The following SRGAP2B variants were observed in gnomAD, a reference collection of about 807,000 sequenced individuals.
SRGAP2B encodes the protein SLIT-ROBO Rho GTPase-activating protein 2B.
A neutral mutation model predicts 22.2 loss-of-function variants in SRGAP2B; 9 were observed. The observed-to-expected ratio is 0.41, with a 90% confidence interval of 0.24 to 0.71. The LOEUF is 0.71. SRGAP2B is among the 30% of genes least tolerant of loss of function. The pLI, the probability that SRGAP2B is intolerant of heterozygous loss-of-function variation, is 0.35. For synonymous variants in SRGAP2B, 36 were observed against 87.4 expected (o/e 0.41, Z 3.28); for missense variants, 114 against 235.8 (o/e 0.48, Z 3.38).
At chr1:144,969,853 C>T (rs1196729467) in intron 3 of SRGAP2B, among the ~76,000 whole-genome samples, 3 of 150,722 alleles carry the variant, frequency 2.0e-5, no homozygotes, top group Non-Finnish European at 4.4e-5. Flanking sequence ...ACAGACACTT[C>T]TCAAAAGAAG....
chr1:144,955,026 C>G (rs1321073227), intron 4 of SRGAP2B, among the ~76,000 whole-genome samples: 1 of 150,494 alleles, frequency 6.6e-6, no homozygotes, highest in Admixed American at 6.6e-5. Flanking sequence ...GAAAACTTCC[C>G]AAAACACAGT....
At chr1:144,997,355 C>T (rs587661258) in intron 2 of SRGAP2B, among the ~76,000 whole-genome samples, 3 of 150,806 alleles carry the variant, frequency 2.0e-5, no homozygotes, top group East Asian at 1.9e-4. Context: ...GGCGTGAACC[C>T]GGGAGGTGGA....
chr1:144,944,692 T>C (rs1194665829), intron 4 of SRGAP2B, among the ~76,000 whole-genome samples: 3 of 140,276 alleles, frequency 2.1e-5, no homozygotes, highest in Admixed American at 7.1e-5. Flanking sequence ...GTTTTATTTA[T>C]TTATTTATTT....
At chr1:144,979,982 G>C (rs1669200137) in intron 3 of SRGAP2B, among the ~76,000 whole-genome samples, 2 of 150,704 alleles carry the variant, frequency 1.3e-5, no homozygotes, top group Non-Finnish European at 2.9e-5. Flanking sequence ...GGACTCTGTG[G>C]TAAGAAAGGA....
intron 3 of SRGAP2B, among the ~76,000 whole-genome samples, chr1:144,976,427 G>A (rs587721678): frequency 1.4e-5 from 2 of 138,924 alleles, no homozygotes; most frequent in Admixed American, 7.0e-5. Flanking sequence ...GGGTGTGTGT[G>A]TGTATGTGTC....
intron 3 of SRGAP2B, among the ~76,000 whole-genome samples, chr1:144,966,897 C>T (rs1668127484): frequency 1.4e-5 from 2 of 147,050 alleles, no homozygotes. Flanking sequence ...ACAAAGAAGG[C>T]CATTACATAA....
intron 3 of SRGAP2B, among the ~76,000 whole-genome samples, chr1:144,976,508 A>G (rs1668916965): frequency 7.1e-6 from 1 of 141,480 alleles, no homozygotes; most frequent in African/African-American, 2.9e-5. Flanking sequence ...CTTCAGTTAC[A>G]AAGAGCATAT....
intron 6 of SRGAP2B, 106 bp downstream of exon 6, chr1:144,905,753 C>T (rs1340020203): frequency 1.4e-6 from 1 of 708,330 alleles, no homozygotes; most frequent in Non-Finnish European, 2.6e-6. Flanking sequence ...TAAAAGAACC[C>T]AGAGCTTCCT....
At chr1:144,907,752 C>T (rs1325395945) in intron 5 of SRGAP2B, among the ~76,000 whole-genome samples, 2 of 150,416 alleles carry the variant, frequency 1.3e-5, no homozygotes, top group African/African-American at 5.0e-5. Context: ...ATGGTGCTGA[C>T]GTTGAGAAAA....
rs1481581040 is a variant in SRGAP2B, at chr1:144,912,013, C to T, written c.486+2679G>A. Among the ~76,000 whole-genome samples, 642 of 143,878 alleles carry T rather than the reference C, an allele frequency of 4.5e-3. 17 individuals carry two copies. Among genetic ancestry groups the T allele is most frequent in the South Asian group, 0.035 (159 of 4,532 alleles). The allele number at this position is 143,878 out of a possible 152,430, so 94.4% of individuals were successfully genotyped here. A position where few individuals can be genotyped will look rare whatever the true frequency, so the allele number is the denominator to read the frequency against. ...TTGCCCAGGCTGGAGTGCAGTGGCACGATCTCGGCTCACTGCAAGCTCTGC... is the reference window on the plus strand; with the variant it reads ...TTGCCCAGGCTGGAGTGCAGTGGCATGATCTCGGCTCACTGCAAGCTCTGC... On this transcript the variant is annotated intron_variant, in intron 5 of 9. Coordinates refer to ENST00000612199, the Ensembl canonical transcript of SRGAP2B.
chr1:144,944,940 A>G (rs2101893785), intron 4 of SRGAP2B, among the ~76,000 whole-genome samples: 1 of 148,186 alleles, frequency 6.7e-6, no homozygotes, highest in Admixed American at 6.7e-5. Context: ...TTGTATTTTT[A>G]GTAGAGACGG....
rs1368291898 is a variant in SRGAP2B at position 144,993,128 on chromosome 1, C to T, written c.260+1880G>A. Among the ~76,000 whole-genome samples, 5 of 151,032 alleles carry T rather than the reference C, an allele frequency of 3.3e-5. No individual in the cohort carries two copies. In the East Asian group the frequency reaches 9.7e-4, roughly 29 times the overall value. On this transcript the variant is annotated intron_variant, in intron 3 of 9. Transcript: ENST00000612199. The stretch of plus-strand genomic sequence containing the variant: ...CAAGTAACAGGATGCCAGTGACTCA[C>T]TGGAGTGAATGTTCTGTTTGGCTCG...
At chr1:145,039,148 A>G (rs1266992157) in intron 2 of SRGAP2B, among the ~76,000 whole-genome samples, 12 of 63,810 alleles carry the variant, frequency 1.9e-4, no homozygotes, top group African/African-American at 6.8e-4. Context: ...ACAAAACACC[A>G]AGAACAACTA....
chr1:145,020,364 C>T (rs1241704464), intron 2 of SRGAP2B, among the ~76,000 whole-genome samples: 1 of 123,060 alleles, frequency 8.1e-6, no homozygotes, highest in Non-Finnish European at 1.6e-5. Context: ...GAGTTGGAGG[C>T]TGCAATGAGC....
intron 3 of SRGAP2B, among the ~76,000 whole-genome samples, chr1:144,985,343 G>A (rs1320601522): frequency 6.9e-6 from 1 of 145,024 alleles, no homozygotes; most frequent in Non-Finnish European, 1.5e-5. Flanking sequence ...TTATAAAATA[G>A]CAGAAGGTCT....
At chr1:144,971,729 C>CA (rs1668541110) in intron 3 of SRGAP2B, among the ~76,000 whole-genome samples, 1 of 150,666 alleles carries the variant, frequency 6.6e-6, no homozygotes, top group Non-Finnish European at 1.5e-5. Flanking sequence ...CCAGAGTGTA[C>CA]AAAAAGAGAA....
intron 7 of SRGAP2B, among the ~76,000 whole-genome samples, chr1:144,899,411 C>T (rs1459907474): frequency 0.01 from 1,054 of 101,874 alleles, 1 homozygote; most frequent in African/African-American, 0.041. Context: ...TATATACATT[C>T]TACATTTTAA....
At chr1:144,952,283 A>C (rs1411518795) in intron 4 of SRGAP2B, among the ~76,000 whole-genome samples, 1 of 143,978 alleles carries the variant, frequency 6.9e-6, no homozygotes, top group Non-Finnish European at 1.5e-5. Flanking sequence ...GATAGCACAA[A>C]GCAAATCCCC....
At position 144,997,119 on chromosome 1, in the gene SRGAP2B, A is replaced by G. The variant is rs1670741340; in HGVS notation, c.68-1919T>C. Among the ~76,000 whole-genome samples the G allele has an allele frequency of 1.3e-5, 2 of 150,418 alleles. 1 individual carries two copies. Among genetic ancestry groups the G allele is most frequent in the African/African-American group, 5.0e-5 (2 of 40,042 alleles). ...TTCAGAATGCTTACTAATATTACTT[A>G]AATTCCATCCGTTCAGTAAGAACCA... On this transcript the variant is annotated intron_variant, in intron 2 of 9. Transcript: ENST00000612199.
Sources: allele counts gnomAD v4.1 joint callset (sites outside exome capture counted in the v4.1 genomes callset), GRCh38; gene constraint gnomAD v4.1.1; transcripts MANE v1.5; gene names NCBI Gene and HGNC (gene_info 2026-07-23, HGNC 2026-07-21).